The following VPS13B variants were observed in gnomAD, a reference collection of about 807,000 sequenced individuals.
VPS13B encodes the protein vacuolar protein sorting 13 homolog B.
A neutral mutation model predicts 426.4 loss-of-function variants in VPS13B; 285 were observed. That is an observed-to-expected ratio of 0.67 (90% CI 0.61 to 0.74). The LOEUF (loss-of-function observed/expected upper bound fraction) is 0.74. VPS13B is among the 30% of genes least tolerant of loss of function. The pLI is 0.00. For synonymous variants in VPS13B, 1,676 were observed against 1,676.4 expected (o/e 1.00, Z 0.01); for missense variants, 4,537 against 4,782.6 (o/e 0.95, Z 1.51).
Position 99,340,148 on chromosome 8 carries a change from G to C in VPS13B, c.2825-44060G>C, listed in dbSNP as rs555092995. 1.2e-4 allele frequency among the ~76,000 whole-genome samples: 18 copies of C among 152,242 alleles called. 2 individuals carry two copies. In the South Asian group the frequency reaches 3.7e-3, roughly 32 times the overall value. On this transcript the variant is annotated intron_variant, in intron 19 of 61. Transcript: ENST00000357162. Reference sequence around the variant, plus strand: ...TAACAGAATAACTATAGTTATGTGGGCAACTGAAACAACAGGGCCCACCTC... The same window carrying C: ...TAACAGAATAACTATAGTTATGTGGCCAACTGAAACAACAGGGCCCACCTC...
intron 30 of VPS13B, among the ~76,000 whole-genome samples, chr8:99,529,060 C>T (rs1459037451): frequency 6.6e-6 from 1 of 151,858 alleles, no homozygotes; most frequent in Admixed American, 6.6e-5. Flanking sequence ...TTTGAAAATA[C>T]ATCTACCCTT....
At chr8:99,204,669 AAAAC>A (rs1814575170) in intron 17 of VPS13B, among the ~76,000 whole-genome samples, 1 of 152,228 alleles carries the variant, frequency 6.6e-6, no homozygotes, top group African/African-American at 2.4e-5. Flanking sequence ...ACAAGAAAAA[AAAAC>A]CCTATGAAAA....
At chr8:99,711,482 C>G (rs1346633942) in intron 36 of VPS13B, among the ~76,000 whole-genome samples, 1 of 151,952 alleles carries the variant, frequency 6.6e-6, no homozygotes, top group Non-Finnish European at 1.5e-5. Context: ...ATGATCAGTG[C>G]TGGTAGGCCT....
intron 58 of VPS13B, among the ~76,000 whole-genome samples, chr8:99,864,754 C>A (rs768560683): frequency 2.6e-5 from 4 of 152,130 alleles, no homozygotes. Flanking sequence ...AACTTCATAA[C>A]CCTTCATAGC....
intron 17 of VPS13B, among the ~76,000 whole-genome samples, chr8:99,249,315 C>G (rs551628167): frequency 6.6e-6 from 1 of 151,876 alleles, no homozygotes; most frequent in African/African-American, 2.4e-5. Flanking sequence ...TTGGCTATTA[C>G]GATAAAGCTG....
intron 31 of VPS13B, among the ~76,000 whole-genome samples, chr8:99,559,865 G>C (rs1455229819): frequency 6.6e-6 from 1 of 152,080 alleles, no homozygotes; most frequent in African/African-American, 2.4e-5. Flanking sequence ...TGTTCTTTTT[G>C]CTTAGGATTG....
At chr8:99,283,576 G>GTGTT (rs1292692680) in intron 19 of VPS13B, among the ~76,000 whole-genome samples, 1 of 152,160 alleles carries the variant, frequency 6.6e-6, no homozygotes, top group African/African-American at 2.4e-5. Flanking sequence ...AGAGATGCAG[G>GTGTT]TGTTCTCCAG....
In VPS13B at chr8:99,875,613, C is replaced by T; in HGVS notation, c.11941C>T (p.Leu3981Phe). The change falls in exon 62 of 62, where the codon CTT becomes TTT. Residue 3981 changes from leucine (L) to phenylalanine (F), a missense_variant. Around this residue, in one of 2 missense-constraint regions of VPS13B, gnomAD observed 4,311 missense variants for 4,474.3 expected, o/e 0.96. Transcript: ENST00000357162. ...LVDPHFAQVF[L>F]SKFTMVKNKA... ...TGATCCACATTTTGCTCAGGTCTTC[C>T]TTAGTAAATTTACCATGGTGAAAAA... 7 of 1,614,094 alleles carry T rather than the reference C, an allele frequency of 4.3e-6. No homozygotes were observed. The highest frequency in any genetic ancestry group is 5.1e-6 in the Non-Finnish European group (6 of 1,179,982).
At chr8:99,140,368 C>CAAAAAAAAAA (rs5893482) in intron 12 of VPS13B, among the ~76,000 whole-genome samples, 1 of 74,678 alleles carries the variant, frequency 1.3e-5, no homozygotes, top group Non-Finnish European at 2.8e-5. Flanking sequence ...AGCTCTGTCT[C>CAAAAAAAAAA]AAAAAAAAAA....
intron 16 of VPS13B, among the ~76,000 whole-genome samples, chr8:99,176,143 T>G (rs1257376127): frequency 7.9e-6 from 1 of 126,578 alleles, no homozygotes; most frequent in Non-Finnish European, 1.9e-5. Context: ...TAAACTTTTG[T>G]TTTTTTTTTT....
chr8:99,460,951 A>C (rs1818797868), intron 23 of VPS13B, among the ~76,000 whole-genome samples: 1 of 152,194 alleles, frequency 6.6e-6, no homozygotes, highest in South Asian at 2.1e-4. Context: ...TCCTAAGTTC[A>C]ACAGTTCTTC....
chr8:99,200,375 T>A (rs1454486594), intron 17 of VPS13B, among the ~76,000 whole-genome samples: 3 of 152,084 alleles, frequency 2.0e-5, no homozygotes, highest in South Asian at 4.1e-4. Context: ...AAGTACAGGT[T>A]TTTTTTTGTG....
chr8:99,450,246 G>A (rs573956224), intron 23 of VPS13B, among the ~76,000 whole-genome samples: 2 of 152,262 alleles, frequency 1.3e-5, no homozygotes, highest in South Asian at 4.1e-4. Flanking sequence ...TATATACCTT[G>A]ATATTGTTTG....
intron 17 of VPS13B, among the ~76,000 whole-genome samples, chr8:99,231,152 A>G (rs917453226): frequency 1.3e-5 from 2 of 152,232 alleles, no homozygotes; most frequent in African/African-American, 2.4e-5. Context: ...AGAGTAAAAT[A>G]CTATAATTGT....
chr8:99,363,939 A>G (rs1455608113), intron 19 of VPS13B, among the ~76,000 whole-genome samples: 27 of 152,084 alleles, frequency 1.8e-4, no homozygotes, highest in Admixed American at 1.5e-3. Flanking sequence ...TTTCTTTCCA[A>G]TTTGGATGCC....
At chr8:99,771,871 A>G (rs777851141) in intron 40 of VPS13B, among the ~76,000 whole-genome samples, 2 of 152,226 alleles carry the variant, frequency 1.3e-5, no homozygotes, top group Non-Finnish European at 2.9e-5. Flanking sequence ...CTAGTTACAC[A>G]CTGGTATAAT....
At chr8:99,845,904 A>G (rs1201950308) in intron 54 of VPS13B, among the ~76,000 whole-genome samples, 1 of 152,332 alleles carries the variant, frequency 6.6e-6, no homozygotes, top group East Asian at 1.9e-4. Flanking sequence ...GATTTGGCCC[A>G]CCACTGAGCT....
intron 19 of VPS13B, among the ~76,000 whole-genome samples, chr8:99,324,695 A>T (rs1426808814): frequency 6.6e-6 from 1 of 152,204 alleles, no homozygotes; most frequent in Non-Finnish European, 1.5e-5. Context: ...TATGTTTTCA[A>T]CATTTTTGTT....
rs138736183 is a variant in VPS13B, at chr8:99,364,587, C to G, written c.2825-19621C>G. 3.2e-4 allele frequency among the ~76,000 whole-genome samples: 48 copies of G among 152,190 alleles called. No individual in the cohort carries two copies. In the East Asian group the frequency reaches 8.9e-3, roughly 28 times the overall value. On this transcript the variant is annotated intron_variant, in intron 19 of 61. Transcript: ENST00000357162. ...AGCTGGGACTACAGACATGTGCTAC[C>G]ATGCACAACTAATTTTTGTATTTTT...
Sources: allele counts gnomAD v4.1 joint callset (sites outside exome capture counted in the v4.1 genomes callset), GRCh38; gene constraint gnomAD v4.1.1; regional missense constraint gnomAD v4.1.1; transcripts MANE v1.5; gene names NCBI Gene and HGNC (gene_info 2026-07-23, HGNC 2026-07-21).